The following CFAP299 variants were observed in gnomAD, a reference collection of about 807,000 sequenced individuals.
CFAP299 encodes cilia and flagella associated protein 299, also known as cilia- and flagella-associated protein 299.
CFAP299 carries 21 observed loss-of-function variants against 27.0 expected under a neutral mutation model. That is an observed-to-expected ratio of 0.78 (90% CI 0.55 to 1.12). The LOEUF (loss-of-function observed/expected upper bound fraction) is 1.12. CFAP299 is among the 50% of genes most tolerant of loss of function. CFAP299 has a pLI of 0.00. For synonymous variants in CFAP299, 104 were observed against 98.1 expected (o/e 1.06, Z -0.36); for missense variants, 310 against 276.6 (o/e 1.12, Z -0.86).
intron 4 of CFAP299, among the ~76,000 whole-genome samples, chr4:80,944,514 G>C (rs1384287525): frequency 6.6e-6 from 1 of 152,152 alleles, no homozygotes; most frequent in African/African-American, 2.4e-5. Context: ...GCCTTAAATT[G>C]CATCAATTTT....
At chr4:80,374,533 T>C (rs889290325) in intron 2 of CFAP299, among the ~76,000 whole-genome samples, 1 of 152,116 alleles carries the variant, frequency 6.6e-6, no homozygotes, top group African/African-American at 2.4e-5. Flanking sequence ...GCTCAGAAGA[T>C]TTAGAGATCT....
intron 4 of CFAP299, among the ~76,000 whole-genome samples, chr4:80,924,536 GTGTATATA>G (rs969310054): frequency 7.6e-6 from 1 of 130,954 alleles, no homozygotes; most frequent in African/African-American, 3.5e-5. Context: ...GTGTGTGTGT[GTGTATATA>G]TATATATATA....
intron 3 of CFAP299, among the ~76,000 whole-genome samples, chr4:80,629,902 A>C (rs1739120443): frequency 6.6e-6 from 1 of 151,640 alleles, no homozygotes; most frequent in Admixed American, 6.6e-5. Flanking sequence ...AACAAAAAAA[A>C]CCCAGAAAAA....
At chr4:80,561,089 C>A (rs546966144) in intron 2 of CFAP299, among the ~76,000 whole-genome samples, 30 of 152,230 alleles carry the variant, frequency 2.0e-4, no homozygotes, top group African/African-American at 5.8e-4. Context: ...GTCACTCCAC[C>A]CCCAGCTTTA....
Position 80,477,745 on chromosome 4 carries a change from C to T in CFAP299, c.243-105348C>T, listed in dbSNP as rs564273341. On this transcript the variant is annotated intron_variant, in intron 2 of 5. Transcript: ENST00000358105. ...TTAAAACTCTCTCATAGTCTCTATT[C>T]TCCCATTTGTCTCCCCTACTTAGTT... 5.0e-4 allele frequency among the ~76,000 whole-genome samples: 76 copies of T among 152,272 alleles called. 1 individual carries two copies. The highest frequency in any genetic ancestry group is 1.8e-3 in the African/African-American group (73 of 41,548).
rs1320488742 is a variant in CFAP299, at chr4:80,431,669, C to T, written c.242+68785C>T. Among the ~76,000 whole-genome samples, 5 of 152,304 alleles carry T rather than the reference C, an allele frequency of 3.3e-5. No individual in the cohort carries two copies. The East Asian group carries it at 9.7e-4, about 29-fold the overall frequency. On this transcript the variant is annotated intron_variant, in intron 2 of 5. Coordinates refer to ENST00000358105, the MANE Select transcript of CFAP299 (RefSeq NM_152770.3). ...GCAGCCGCTTGGTTATAGGGAAAAG[C>T]TGTGTCTAGTCTTCCTGAGGCATTG... is the stretch of plus-strand genomic sequence containing the variant.
chr4:80,652,658 C>T (rs1449290158), intron 3 of CFAP299, among the ~76,000 whole-genome samples: 1 of 151,876 alleles, frequency 6.6e-6, no homozygotes, highest in Non-Finnish European at 1.5e-5. Flanking sequence ...TCATATGAAC[C>T]CTCAAGTCCT....
the CFAP299 span, among the ~76,000 whole-genome samples, chr4:80,325,187 G>T: frequency 2.0e-5 from 3 of 152,102 alleles, no homozygotes; most frequent in Non-Finnish European, 2.9e-5. Flanking sequence ...GGCAACAACT[G>T]GGCACCCTTT....
At position 80,364,089 on chromosome 4, in the gene CFAP299, A is replaced by AACACAC. The variant is rs56300395; in HGVS notation, c.242+1229_242+1234dup. ...GCAACAGAGCGAGACTCCGTCTCAA[A>AACACAC]ACACACACACACACACACACACACA... is the stretch of plus-strand genomic sequence containing the variant. On this transcript the variant is annotated intron_variant, in intron 2 of 5. Coordinates refer to ENST00000358105, the MANE Select transcript of CFAP299 (RefSeq NM_152770.3). Among the ~76,000 whole-genome samples, 41 of 110,880 alleles carry AACACAC rather than the reference A, an allele frequency of 3.7e-4. 1 individual carries two copies. The highest frequency in any genetic ancestry group is 3.2e-4 in the Non-Finnish European group (18 of 56,680). The allele number at this position is 110,880 out of a possible 152,430, so 72.7% of individuals were successfully genotyped here.
At chr4:80,529,575 C>G (rs1047915601) in intron 2 of CFAP299, among the ~76,000 whole-genome samples, 2 of 152,138 alleles carry the variant, frequency 1.3e-5, no homozygotes, top group Non-Finnish European at 2.9e-5. Context: ...ATACAGTCCT[C>G]TGAGTGGCTA....
chr4:80,609,044 G>C (rs1170961741), intron 3 of CFAP299, among the ~76,000 whole-genome samples: 1 of 152,024 alleles, frequency 6.6e-6, no homozygotes, highest in Non-Finnish European at 1.5e-5. Flanking sequence ...CATAGTGTTT[G>C]AGACTGTTAA....
At chr4:80,368,263 A>C (rs1443970122) in intron 2 of CFAP299, among the ~76,000 whole-genome samples, 1 of 152,150 alleles carries the variant, frequency 6.6e-6, no homozygotes, top group Non-Finnish European at 1.5e-5. Flanking sequence ...GATGCTGTAT[A>C]TACATGGATC....
intron 2 of CFAP299, among the ~76,000 whole-genome samples, chr4:80,389,060 A>T (rs1003995649): frequency 6.6e-6 from 1 of 152,156 alleles, no homozygotes; most frequent in Non-Finnish European, 1.5e-5. Flanking sequence ...TCAGATGATC[A>T]TACTATTTTT....
chr4:80,539,461 C>A (rs753352354), intron 2 of CFAP299, among the ~76,000 whole-genome samples: 5 of 152,124 alleles, frequency 3.3e-5, no homozygotes, highest in African/African-American at 4.8e-5. Flanking sequence ...GGAGGAGAAA[C>A]AGCTTAGGAT....
chr4:80,591,313 C>T (rs1340968701), intron 3 of CFAP299, among the ~76,000 whole-genome samples: 3 of 150,958 alleles, frequency 2.0e-5, no homozygotes, highest in African/African-American at 7.3e-5. Context: ...TTAGTAGAGA[C>T]GGGGTTTCAC....
chr4:80,851,300 T>TC (rs1731508809), intron 3 of CFAP299, among the ~76,000 whole-genome samples: 1 of 152,168 alleles, frequency 6.6e-6, no homozygotes, highest in Non-Finnish European at 1.5e-5. Flanking sequence ...CAAATATTTT[T>TC]AAGCATCTAC....
chr4:80,715,732 G>T (rs1361433804), intron 3 of CFAP299, among the ~76,000 whole-genome samples: 1 of 151,934 alleles, frequency 6.6e-6, no homozygotes, highest in Non-Finnish European at 1.5e-5. Flanking sequence ...TTGACTATAT[G>T]AGTAAAGCAC....
At chr4:80,718,889 T>TACA (rs1226263459) in intron 3 of CFAP299, among the ~76,000 whole-genome samples, 2 of 152,034 alleles carry the variant, frequency 1.3e-5, no homozygotes, top group African/African-American at 4.8e-5. Flanking sequence ...CTAATGTGCT[T>TACA]TGAATGTCCA....
At chr4:80,890,398 T>A in intron 4 of CFAP299, among the ~76,000 whole-genome samples, 1 of 151,746 alleles carries the variant, frequency 6.6e-6, no homozygotes. Flanking sequence ...TAAAAGAAAA[T>A]ACCTAGGAAT....
Sources: allele counts gnomAD v4.1 joint callset (sites outside exome capture counted in the v4.1 genomes callset), GRCh38; gene constraint gnomAD v4.1.1; transcripts MANE v1.5; gene names NCBI Gene and HGNC (gene_info 2026-07-23, HGNC 2026-07-21).